PPP4R3B: variants seen among roughly 807,000 people sequenced by gnomAD.
PPP4R3B encodes the protein protein phosphatase 4 regulatory subunit 3B, also known as serine/threonine-protein phosphatase 4 regulatory subunit 3B.
A neutral mutation model predicts 95.4 loss-of-function variants in PPP4R3B; 52 were observed. That is an observed-to-expected ratio of 0.54 (90% CI 0.44 to 0.69). The LOEUF is 0.69. Ranked by LOEUF, PPP4R3B falls within the 30% of genes least tolerant of loss-of-function variation. PPP4R3B has a pLI of 0.00. For synonymous variants in PPP4R3B, 407 were observed against 343.9 expected (o/e 1.18, Z -2.03); for missense variants, 1,003 against 1,005.9 (o/e 1.00, Z 0.04).
intron 9 of PPP4R3B, 49 bp downstream of exon 9, chr2:55,579,630 A>G: frequency 7.6e-7 from 1 of 1,312,088 alleles, no homozygotes. Flanking sequence ...TATTTATCTC[A>G]TCCTTCTTTA....
chr2:55,615,453 G>A lies in PPP4R3B; in HGVS notation c.196C>T (p.Gln66Ter). ...INPNTAYQKQ[Q>*]DTLIVWSEAE... ...ATTAAAGATAAACAACTACTTGCCT[G>A]TTGTTTCTGATATGCAGTATTTGGA... Residue 66 changes from glutamine to a stop codon, truncating the protein, a stop_gained and splice_region_variant, in exon 2 of 17, where the codon CAG becomes TAG. Transcript: ENST00000616407. LOFTEE classifies it high-confidence loss of function. The A allele has an allele frequency of 6.3e-7, 1 of 1,591,826 alleles. No individual in the cohort carries two copies. Among genetic ancestry groups the A allele is most frequent in the Non-Finnish European group, 8.6e-7 (1 of 1,167,226 alleles).
At chr2:55,598,005 C>G (rs1417375954) in intron 4 of PPP4R3B, among the ~76,000 whole-genome samples, 4 of 151,996 alleles carry the variant, frequency 2.6e-5, no homozygotes, top group Admixed American at 6.6e-5. Flanking sequence ...ACTGCCTGAG[C>G]TCAGGAGTTC....
At chr2:55,553,930 A>G (rs1208006308) in intron 16 of PPP4R3B, among the ~76,000 whole-genome samples, 1 of 152,148 alleles carries the variant, frequency 6.6e-6, no homozygotes, top group Non-Finnish European at 1.5e-5. Flanking sequence ...CAAGTTTTAC[A>G]GTGGACACAT....
Position 55,598,879 on chromosome 2 carries a change from A to C in PPP4R3B, c.458T>G (p.Leu153Arg), listed in dbSNP as rs1692171851. 3 of 1,614,032 alleles carry C rather than the reference A, an allele frequency of 1.9e-6. No homozygotes were observed. The highest frequency in any genetic ancestry group is 1.7e-6 in the Non-Finnish European group (2 of 1,180,018). Residue 153 changes from leucine (L) to arginine (R), a missense_variant, in exon 4 of 17, where the codon CTC becomes CGC. Physicochemically the swap from Leu to Arg is moderately radical, Grantham distance 102. Transcript: ENST00000616407. ...CTTTTCCCTACGGATAGGTGAGGAG[A>C]GCACTGAGGTAACTAAGTCAGCAAT... is the stretch of plus-strand genomic sequence containing the variant. ...EEIADLVTSV[L>R]SSPIRREKLA...
Position 55,549,989 on chromosome 2 carries a change from T to C in PPP4R3B, c.2472A>G (p.Leu824=), listed in dbSNP as rs1685061280. ...VTATKGSLVG[L]VDYPDDEEED... is the part of the protein sequence containing the mutation. ...CCTCTTCATCATCTGGATAATCCAC[T>C]AAGCCAACCAAACTTCCCTATTGAA... The change falls in exon 17 of 17, where the codon TTA becomes TTG. Residue 824 remains leucine (L), a synonymous_variant. Coordinates refer to ENST00000616407, the MANE Select transcript of PPP4R3B (RefSeq NM_001122964.3). The C allele has an allele frequency of 6.2e-7, 1 of 1,606,742 alleles. No individual in the cohort carries two copies. The highest frequency in any genetic ancestry group is 8.5e-7 in the Non-Finnish European group (1 of 1,178,360).
intron 16 of PPP4R3B, among the ~76,000 whole-genome samples, chr2:55,550,348 C>G (rs1685112468): frequency 6.6e-6 from 1 of 152,128 alleles, no homozygotes; most frequent in African/African-American, 2.4e-5. Flanking sequence ...TGGAGATGAA[C>G]TGGTTCATTT....
At chr2:55,596,150 T>G (rs1263344111) in intron 4 of PPP4R3B, among the ~76,000 whole-genome samples, 3 of 152,180 alleles carry the variant, frequency 2.0e-5, no homozygotes, top group Non-Finnish European at 2.9e-5. Context: ...GAAAACATAC[T>G]TTTAACCCTT....
intron 1 of PPP4R3B, 55 bp downstream of exon 1, chr2:55,617,089 A>C: frequency 6.5e-7 from 1 of 1,532,170 alleles, no homozygotes; most frequent in Non-Finnish European, 8.8e-7. Flanking sequence ...CCTAAACCCA[A>C]GCTGTGCCCC....
In PPP4R3B at chr2:55,598,737, T is replaced by C. The variant is rs1692140547; in HGVS notation, c.600A>G (p.Gly200=). 1 of 1,614,214 alleles carries C rather than the reference T, an allele frequency of 6.2e-7. No individual in the cohort carries two copies. The highest frequency in any genetic ancestry group is 8.5e-7 in the Non-Finnish European group (1 of 1,180,030). The part of the protein sequence containing the change: ...GLHHLYEIIR[G]ILFLNKATLF... ...GAGTTGCCTTATTTAGGAATAAGAT[T>C]CCTCTAATAATTTCATACAAATGGT... Residue 200 remains glycine (G), a synonymous_variant, in exon 4 of 17, where the codon GGA becomes GGG. Transcript: ENST00000616407.
At chr2:55,589,255 T>C (rs1288444900) in intron 4 of PPP4R3B, among the ~76,000 whole-genome samples, 1 of 152,238 alleles carries the variant, frequency 6.6e-6, no homozygotes, top group African/African-American at 2.4e-5. Flanking sequence ...TTAGATTCTC[T>C]AGCCCCCTTT....
rs182787168 is a variant in PPP4R3B at position 55,613,682 on chromosome 2, A to G, written c.198+1769T>C. On this transcript the variant is annotated intron_variant, in intron 2 of 16. Coordinates refer to ENST00000616407, the MANE Select transcript of PPP4R3B (RefSeq NM_001122964.3). ...TGTTTCCAAAGTAACAACAGCTAAA[A>G]GATCTTATATACAATCTGAGAAGAA... is the stretch of plus-strand genomic sequence containing the variant. Among the ~76,000 whole-genome samples the G allele has an allele frequency of 2.6e-5, 4 of 152,274 alleles. No individual in the cohort carries two copies. The East Asian group carries it at 7.7e-4, about 29-fold the overall frequency.
intron 8 of PPP4R3B, among the ~76,000 whole-genome samples, chr2:55,580,897 C>A (rs1434290377): frequency 6.6e-6 from 1 of 152,068 alleles, no homozygotes; most frequent in Non-Finnish European, 1.5e-5. Flanking sequence ...TAAGATCATT[C>A]AGTATATTTA....
At position 55,604,046 on chromosome 2, in the gene PPP4R3B, T is replaced by G; in HGVS notation, c.229A>C (p.Asn77His). 6.2e-7 allele frequency: 1 copy of G among 1,609,284 alleles called. No homozygotes were observed. Among genetic ancestry groups the G allele is most frequent in the South Asian group, 1.1e-5 (1 of 89,540 alleles). The change falls in exon 3 of 17, where the codon AAC (asparagine) becomes CAC (histidine). Residue 77 changes from asparagine (N) to histidine (H), a missense_variant. Asn to His is a moderately conservative substitution (Grantham distance 68, BLOSUM62 1). This residue lies in a region of PPP4R3B where 695 missense variants were observed against 686.2 expected (regional missense o/e 1.01). Coordinates refer to ENST00000616407, the MANE Select transcript of PPP4R3B (RefSeq NM_001122964.3). The stretch of plus-strand genomic sequence containing the variant: ...TGAAAACTCAGAGCCAAATCATAGT[T>G]CTCTGCTTCTGACCAAACAATTAAT... ...DTLIVWSEAENYDLALSFQEK... is the reference protein window; with the variant it reads ...DTLIVWSEAEHYDLALSFQEK...
intron 2 of PPP4R3B, among the ~76,000 whole-genome samples, chr2:55,604,881 C>A (rs80114583): frequency 6.6e-6 from 1 of 151,970 alleles, no homozygotes; most frequent in African/African-American, 2.4e-5. Flanking sequence ...TGCTCTGTGA[C>A]CAGACTAGAG....
chr2:55,607,648 G>A (rs1197959085), intron 2 of PPP4R3B, among the ~76,000 whole-genome samples: 1 of 152,082 alleles, frequency 6.6e-6, no homozygotes, highest in Non-Finnish European at 1.5e-5. Flanking sequence ...CAGTCCTAAT[G>A]GGCTTTTATG....
At chr2:55,615,101 C>A in intron 2 of PPP4R3B, 1 of 183,110 alleles carries the variant, frequency 5.5e-6, no homozygotes, top group South Asian at 1.1e-4. Context: ...GCTTTCCTTG[C>A]TTTAAGAGTA....
chr2:55,568,428 T>A, intron 12 of PPP4R3B, 65 bp from the exon 13 acceptor site: 1 of 1,338,774 alleles, frequency 7.5e-7, no homozygotes, highest in South Asian at 1.8e-5. Context: ...ATACAGGTGT[T>A]TTTCCACCAT....
At chr2:55,603,906 T>C (rs1693019996) in intron 3 of PPP4R3B, 72 bp downstream of exon 3, 1 of 1,058,994 alleles carries the variant, frequency 9.4e-7, no homozygotes, top group Non-Finnish European at 1.4e-6. Flanking sequence ...CTAATATGTT[T>C]GAAGTAAAAA....
chr2:55,598,407 T>C lies in PPP4R3B; in HGVS notation c.921+9A>G, dbSNP rs757587296. 1 of 1,610,566 alleles carries C rather than the reference T, an allele frequency of 6.2e-7. No homozygotes were observed. Among genetic ancestry groups the C allele is most frequent in the South Asian group, 1.1e-5 (1 of 90,482 alleles). On this transcript the variant is annotated intron_variant, in intron 4 of 16. Coordinates refer to ENST00000616407, the MANE Select transcript of PPP4R3B (RefSeq NM_001122964.3). Reference sequence around the variant, plus strand: ...AAAATGGAATCGTGAAGAGTATCTTTTTACTTACCTGCAACATGCTGACTA... The same window carrying C: ...AAAATGGAATCGTGAAGAGTATCTTCTTACTTACCTGCAACATGCTGACTA...
Sources: gnomAD v4.1 joint callset for allele counts (sites outside exome capture counted in the v4.1 genomes callset) on GRCh38, gnomAD v4.1.1 for gene constraint, gnomAD v4.1.1 regional missense constraint, MANE v1.5 for transcripts, NCBI Gene and HGNC (gene_info 2026-07-23, HGNC 2026-07-21) for gene names.